The following SPAG16 variants were observed in gnomAD, a reference collection of about 807,000 sequenced individuals.
The protein encoded by SPAG16 is sperm associated antigen 16.
A neutral mutation model predicts 80.4 loss-of-function variants in SPAG16; 86 were observed. The observed-to-expected ratio is 1.07, with a 90% CI of 0.90 to 1.28. The LOEUF (loss-of-function observed/expected upper bound fraction) is 1.28, where lower values mean the gene tolerates loss of function less well. Ranked by LOEUF, SPAG16 falls within the 50% of genes most tolerant of loss-of-function variation. The pLI is 0.00. For synonymous variants in SPAG16, 294 were observed against 265.9 expected (o/e 1.11, Z -1.03); for missense variants, 870 against 765.3 (o/e 1.14, Z -1.61).
intron 14 of SPAG16, among the ~76,000 whole-genome samples, chr2:214,127,950 G>C (rs138608353): frequency 6.6e-6 from 1 of 151,990 alleles, no homozygotes; most frequent in East Asian, 1.9e-4. Flanking sequence ...TAGAAAAAAG[G>C]GTGGGTTAGA....
At chr2:213,684,896 C>T (rs113725368) in intron 10 of SPAG16, among the ~76,000 whole-genome samples, 1 of 152,164 alleles carries the variant, frequency 6.6e-6, no homozygotes, top group Non-Finnish European at 1.5e-5. Flanking sequence ...TTAAGTCATA[C>T]TACAATGCAA....
chr2:214,331,777 T>G (rs1260467248), intron 15 of SPAG16, among the ~76,000 whole-genome samples: 1 of 152,186 alleles, frequency 6.6e-6, no homozygotes, highest in Non-Finnish European at 1.5e-5. Context: ...GTGAAGAAGG[T>G]CTCTAGGTCT....
intron 10 of SPAG16, among the ~76,000 whole-genome samples, chr2:213,729,020 ATAG>A (rs2066913457): frequency 1.3e-5 from 2 of 150,604 alleles, no homozygotes; most frequent in African/African-American, 2.4e-5. Context: ...TTTGATGGGG[ATAG>A]TAACATTAAT....
chr2:213,689,048 C>A (rs139665775), intron 10 of SPAG16, among the ~76,000 whole-genome samples: 2,571 of 152,232 alleles, frequency 0.017, 35 homozygotes, highest in South Asian at 0.037. Flanking sequence ...CAACCTCCAC[C>A]ACCCTGGTTC....
At chr2:213,584,946 T>G (rs2060416195) in intron 10 of SPAG16, among the ~76,000 whole-genome samples, 1 of 152,110 alleles carries the variant, frequency 6.6e-6, no homozygotes, top group Non-Finnish European at 1.5e-5. Context: ...CCTAGCACTT[T>G]GGGAGGGTGA....
chr2:213,779,083 C>T (rs920617498), intron 10 of SPAG16, among the ~76,000 whole-genome samples: 1 of 152,160 alleles, frequency 6.6e-6, no homozygotes, highest in African/African-American at 2.4e-5. Flanking sequence ...TATTTCAATC[C>T]TTTCCAGTTT....
At chr2:213,536,556 G>C (rs2076254865) in intron 10 of SPAG16, among the ~76,000 whole-genome samples, 1 of 152,124 alleles carries the variant, frequency 6.6e-6, no homozygotes, top group Non-Finnish European at 1.5e-5. Context: ...TTGTGGTTTT[G>C]ATTTGCATTT....
intron 9 of SPAG16, among the ~76,000 whole-genome samples, chr2:213,436,981 G>A (rs1055382775): frequency 3.3e-5 from 5 of 151,392 alleles, no homozygotes; most frequent in African/African-American, 7.3e-5. Context: ...GCATGATCTC[G>A]GTTCACTGCA....
chr2:213,668,612 TATA>T (rs1052931821), intron 10 of SPAG16, among the ~76,000 whole-genome samples: 19 of 152,046 alleles, frequency 1.2e-4, no homozygotes, highest in African/African-American at 4.1e-4. Context: ...TTTTGAGAAA[TATA>T]ATAGTGTTTT....
intron 10 of SPAG16, among the ~76,000 whole-genome samples, chr2:213,674,994 CCCA>C (rs2125235743): frequency 1.3e-5 from 2 of 149,816 alleles, no homozygotes; most frequent in Non-Finnish European, 3.0e-5. Context: ...AGTTTACAGT[CCCA>C]CCAACAGTGT....
chr2:214,212,068 AT>A (rs1172043520), intron 15 of SPAG16, among the ~76,000 whole-genome samples: 1 of 152,154 alleles, frequency 6.6e-6, no homozygotes, highest in Non-Finnish European at 1.5e-5. Flanking sequence ...CAAATTATGT[AT>A]GTAATTTCTT....
intron 15 of SPAG16, among the ~76,000 whole-genome samples, chr2:214,394,282 T>G (rs1701240894): frequency 6.6e-6 from 1 of 152,112 alleles, no homozygotes; most frequent in Non-Finnish European, 1.5e-5. Context: ...TTGAGCTTTA[T>G]TTTTAAATAT....
intron 15 of SPAG16, among the ~76,000 whole-genome samples, chr2:214,325,625 A>G (rs1489326364): frequency 1.3e-5 from 2 of 152,156 alleles, no homozygotes. Flanking sequence ...CACATTAAGT[A>G]TCATTATTCT....
At chr2:214,327,209 T>A (rs999501979) in intron 15 of SPAG16, among the ~76,000 whole-genome samples, 4 of 152,200 alleles carry the variant, frequency 2.6e-5, no homozygotes, top group Admixed American at 6.5e-5. Flanking sequence ...TTGTGAGACA[T>A]CAGTGCTCCT....
chr2:213,420,215 G>A (rs545814202), intron 9 of SPAG16, among the ~76,000 whole-genome samples: 2 of 152,178 alleles, frequency 1.3e-5, no homozygotes, highest in South Asian at 2.1e-4. Context: ...TACTCTTCAC[G>A]GAGAATAAAC....
At chr2:214,234,784 G>A (rs1281966685) in intron 15 of SPAG16, among the ~76,000 whole-genome samples, 1 of 151,950 alleles carries the variant, frequency 6.6e-6, no homozygotes, top group East Asian at 1.9e-4. Context: ...AAACACTGTG[G>A]TCATGAATAA....
At chr2:213,864,804 T>C (rs1278441010) in intron 11 of SPAG16, among the ~76,000 whole-genome samples, 15 of 152,078 alleles carry the variant, frequency 9.9e-5, no homozygotes, top group Non-Finnish European at 1.3e-4. Context: ...GTGGTTTACC[T>C]TGACTGACCC....
At chr2:213,826,703 T>C (rs965854704) in intron 10 of SPAG16, among the ~76,000 whole-genome samples, 3 of 152,022 alleles carry the variant, frequency 2.0e-5, no homozygotes, top group Non-Finnish European at 2.9e-5. Flanking sequence ...GATGAAAGAA[T>C]GTGTATTCTG....
At chr2:214,356,219 A>C (rs1291307143) in intron 15 of SPAG16, among the ~76,000 whole-genome samples, 1 of 152,052 alleles carries the variant, frequency 6.6e-6, no homozygotes, top group Non-Finnish European at 1.5e-5. Context: ...TGAGAAAAAA[A>C]TAAAAAGAAA....
Sources: gnomAD v4.1 joint callset for allele counts (sites outside exome capture counted in the v4.1 genomes callset) on GRCh38, gnomAD v4.1.1 for gene constraint, MANE v1.5 for transcripts, NCBI Gene and HGNC (gene_info 2026-07-23, HGNC 2026-07-21) for gene names.